Variants in WDPCP observed in about 807,000 individuals in gnomAD.
WDPCP encodes WD repeat containing planar cell polarity effector.
WDPCP carries 71 observed loss-of-function variants against 93.1 expected under a neutral mutation model. That is an observed-to-expected ratio of 0.76 (90% CI 0.63 to 0.93). WDPCP has a LOEUF of 0.93. WDPCP is among the 40% of genes least tolerant of loss of function. The pLI is 0.00. For missense variants in WDPCP, 844 were observed against 887.4 expected (o/e 0.95, Z 0.62); for synonymous variants, 315 against 315.0 (o/e 1.00, Z 0.00).
chr2:63,465,016 A>G (rs1004537355), intron 6 of WDPCP, among the ~76,000 whole-genome samples: 3 of 152,138 alleles, frequency 2.0e-5, no homozygotes, highest in Admixed American at 2.0e-4. Flanking sequence ...AAAGATGGGC[A>G]ATTGTGTTTT....
chr2:63,148,602 C>T (rs1199954621), intron 17 of WDPCP, among the ~76,000 whole-genome samples: 1 of 151,772 alleles, frequency 6.6e-6, no homozygotes, highest in African/African-American at 2.4e-5. Context: ...GATCCACCCA[C>T]TACCCAAAGT....
chr2:63,713,535 A>G (rs1250120952), intron 2 of WDPCP, among the ~76,000 whole-genome samples: 1 of 152,236 alleles, frequency 6.6e-6, no homozygotes, highest in Admixed American at 6.5e-5. Context: ...CTATTTCTAC[A>G]ATAGGCAAAT....
chr2:63,455,422 AT>A (rs1698551342), intron 6 of WDPCP, among the ~76,000 whole-genome samples: 1 of 144,794 alleles, frequency 6.9e-6, no homozygotes, highest in East Asian at 1.9e-4. Context: ...AGATATATAT[AT>A]ATATATATAT....
chr2:63,146,832 T>C (rs1227000233), intron 17 of WDPCP, among the ~76,000 whole-genome samples: 1 of 152,254 alleles, frequency 6.6e-6, no homozygotes, highest in Non-Finnish European at 1.5e-5. Context: ...GACAGGTTAA[T>C]GGACAGATAA....
chr2:63,487,772 AG>A (rs1700654473), intron 2 of WDPCP, among the ~76,000 whole-genome samples: 1 of 152,086 alleles, frequency 6.6e-6, no homozygotes, highest in African/African-American at 2.4e-5. Flanking sequence ...AGAAACACCA[AG>A]TTTTCTCTTT....
intron 2 of WDPCP, among the ~76,000 whole-genome samples, chr2:63,799,681 C>T (rs375496466): frequency 1.1e-4 from 16 of 152,182 alleles, no homozygotes; most frequent in East Asian, 9.6e-4. Flanking sequence ...TTTTTAAATT[C>T]GTAACCCTTC....
intron 6 of WDPCP, among the ~76,000 whole-genome samples, chr2:63,456,514 A>C (rs1698630798): frequency 1.3e-5 from 2 of 152,224 alleles, no homozygotes; most frequent in African/African-American, 4.8e-5. Flanking sequence ...CAGTGAAAGC[A>C]GTGCTAAGAG....
upstream of WDPCP, chr2:63,589,401 A>G: frequency 6.5e-7 from 1 of 1,549,034 alleles, no homozygotes; most frequent in Non-Finnish European, 8.7e-7. Context: ...GATGGGAGGG[A>G]AAGGTTGGGT....
intron 3 of WDPCP, chr2:63,606,721 A>T: frequency 2.3e-6 from 1 of 438,328 alleles, no homozygotes; most frequent in East Asian, 4.1e-5. Context: ...AGAATTATCT[A>T]TTAATTAAAA....
intron 17 of WDPCP, among the ~76,000 whole-genome samples, chr2:63,143,262 T>C (rs565160176): frequency 1.3e-5 from 2 of 152,328 alleles, no homozygotes; most frequent in South Asian, 4.1e-4. Flanking sequence ...TGGTGTCCAT[T>C]TGCATGAAAT....
At chr2:63,549,351 G>A (rs1705398926) in intron 1 of WDPCP, among the ~76,000 whole-genome samples, 1 of 151,284 alleles carries the variant, frequency 6.6e-6, no homozygotes, top group East Asian at 1.9e-4. Flanking sequence ...TAATTGGAAG[G>A]AAATAATAAA....
At chr2:63,679,158 T>A (rs1480392039) in intron 2 of WDPCP, among the ~76,000 whole-genome samples, 3 of 152,228 alleles carry the variant, frequency 2.0e-5, no homozygotes, top group Non-Finnish European at 1.5e-5. Context: ...AGGTTCCCAA[T>A]ACCCCTACTC....
intron 10 of WDPCP, among the ~76,000 whole-genome samples, chr2:63,402,312 G>A (rs1345260332): frequency 6.6e-6 from 1 of 152,088 alleles, no homozygotes; most frequent in African/African-American, 2.4e-5. Context: ...ACAAGGGCCT[G>A]TTGGGGGTGG....
intron 1 of WDPCP, among the ~76,000 whole-genome samples, chr2:63,558,996 C>T (rs1238072686): frequency 6.6e-6 from 1 of 152,122 alleles, no homozygotes; most frequent in Non-Finnish European, 1.5e-5. Flanking sequence ...AAATTTCAGG[C>T]CAACATCCCT....
At chr2:63,601,149 C>G in intron 3 of WDPCP, among the ~76,000 whole-genome samples, 1 of 152,308 alleles carries the variant, frequency 6.6e-6, no homozygotes, top group African/African-American at 2.4e-5. Context: ...GGGACCTTGG[C>G]TAGGCATTGT....
At chr2:63,157,505 G>T (rs1672342661) in intron 15 of WDPCP, among the ~76,000 whole-genome samples, 1 of 152,052 alleles carries the variant, frequency 6.6e-6, no homozygotes, top group Non-Finnish European at 1.5e-5. Flanking sequence ...AAACCATCGG[G>T]ACCTGGAGAT....
chr2:63,723,208 CT>C (rs1166517087), intron 2 of WDPCP, among the ~76,000 whole-genome samples: 1 of 150,816 alleles, frequency 6.6e-6, no homozygotes, highest in Non-Finnish European at 1.5e-5. Context: ...TGTTTATCTG[CT>C]GACCTTCCCT....
chr2:63,448,663 A>C (rs1247612929), intron 6 of WDPCP, among the ~76,000 whole-genome samples: 1 of 152,196 alleles, frequency 6.6e-6, no homozygotes, highest in African/African-American at 2.4e-5. Flanking sequence ...ATATATCCTC[A>C]ATGGAATACT....
At chr2:63,818,267 A>G (rs1670968837) in intron 1 of WDPCP, among the ~76,000 whole-genome samples, 1 of 152,228 alleles carries the variant, frequency 6.6e-6, no homozygotes, top group Non-Finnish European at 1.5e-5. Flanking sequence ...ATCTAAGCTG[A>G]TGGTCTAGGG....
Sources: gnomAD v4.1 joint callset for allele counts (sites outside exome capture counted in the v4.1 genomes callset) on GRCh38, gnomAD v4.1.1 for gene constraint, MANE v1.5 for transcripts, NCBI Gene and HGNC (gene_info 2026-07-23, HGNC 2026-07-21) for gene names.